Variants in ASIC2 observed in about 807,000 individuals in gnomAD.
ASIC2 encodes the protein acid sensing ion channel subunit 2, also known as acid-sensing ion channel 2.
Under a neutral mutation model 57.3 loss-of-function variants are expected in ASIC2, and 25 were observed. That is an observed-to-expected ratio of 0.44 (90% CI 0.32 to 0.61). The LOEUF is 0.61. Among genes scored for constraint, ASIC2 ranks in the 20% least tolerant of loss-of-function variants. The pLI is 0.06. For synonymous variants in ASIC2, 319 were observed against 307.5 expected, an observed-to-expected ratio of 1.04 and a Z score of -0.39; for missense variants, 641 against 738.1, an observed-to-expected ratio of 0.87 and a Z score of 1.52.
chr17:34,066,237 T>C (rs1350986939), intron 1 of ASIC2, among the ~76,000 whole-genome samples: 1 of 152,194 alleles, frequency 6.6e-6, no homozygotes. Flanking sequence ...GGAGATAACA[T>C]TGTGACCAAC....
chr17:33,037,412 T>TTTTTTG lies in ASIC2; in HGVS notation c.988-9021_988-9020insCAAAAA, dbSNP rs1555564724. ...CTCTTTTTTTTTTTTTTTTTTTTTTTGCAGAGGTCATGATTCAGATACCCC... is the reference window on the plus strand; with the variant it reads ...CTCTTTTTTTTTTTTTTTTTTTTTTTTTTTTGGCAGAGGTCATGATTCAGATACCCC... On this transcript the variant is annotated intron_variant, in intron 3 of 9. Coordinates refer to ENST00000225823, the MANE Select transcript of ASIC2 (RefSeq NM_183377.2). 3.1e-5 allele frequency among the ~76,000 whole-genome samples: 4 copies of TTTTTTG among 128,628 alleles called. 1 individual carries two copies. The highest frequency in any genetic ancestry group is 1.7e-4 in the Admixed American group (2 of 11,686). 84.4% of individuals were successfully genotyped at this position (128,628 alleles called of 152,430 possible).
At chr17:33,621,215 T>G (rs1905782819) in intron 1 of ASIC2, among the ~76,000 whole-genome samples, 1 of 152,192 alleles carries the variant, frequency 6.6e-6, no homozygotes, top group South Asian at 2.1e-4. Context: ...GAGAGTAATA[T>G]AACTATAACG....
At chr17:33,230,073 G>A (rs1908030437) in intron 1 of ASIC2, among the ~76,000 whole-genome samples, 1 of 152,180 alleles carries the variant, frequency 6.6e-6, no homozygotes, top group Admixed American at 6.5e-5. Context: ...TGCATCCCAG[G>A]TGAGACCCCT....
At chr17:34,005,296 T>C (rs1906487685) in intron 1 of ASIC2, 1 of 152,242 alleles carries the variant, frequency 6.6e-6, no homozygotes, top group South Asian at 2.1e-4. Flanking sequence ...ACACTGCCAG[T>C]GGGGCTCACC....
Position 33,963,212 on chromosome 17 carries a change from C to T in ASIC2, c.555+192766G>A, listed in dbSNP as rs985120858. Among the ~76,000 whole-genome samples, 11 of 152,288 alleles carry T rather than the reference C, an allele frequency of 7.2e-5. No homozygotes were observed. The South Asian group carries it at 1.7e-3, about 23-fold the overall frequency. On this transcript the variant is annotated intron_variant, in intron 1 of 9. Coordinates refer to the ASIC2 transcript ENST00000359872. ...GCTCCCAACTACACTTCTACCAACC[C>T]TCTTCCCATCTCGCAGCCTCCCCAT...
intron 1 of ASIC2, among the ~76,000 whole-genome samples, chr17:33,890,741 G>T (rs759569969): frequency 6.6e-6 from 1 of 152,180 alleles, no homozygotes; most frequent in Non-Finnish European, 1.5e-5. Flanking sequence ...TTCTCCAATG[G>T]GAGAAGCTGC....
intron 1 of ASIC2, among the ~76,000 whole-genome samples, chr17:33,528,948 G>A (rs900909343): frequency 6.6e-6 from 1 of 152,182 alleles, no homozygotes; most frequent in Non-Finnish European, 1.5e-5. Context: ...GGAATGGTGA[G>A]GAAAAGAGGA....
chr17:33,231,349 C>T (rs1198526940), intron 1 of ASIC2, among the ~76,000 whole-genome samples: 1 of 152,106 alleles, frequency 6.6e-6, no homozygotes, highest in Non-Finnish European at 1.5e-5. Context: ...ATTGCGGGTA[C>T]CTGGAGTCTG....
intron 1 of ASIC2, among the ~76,000 whole-genome samples, chr17:33,180,728 G>A (rs1002692958): frequency 2.6e-5 from 4 of 152,272 alleles, no homozygotes; most frequent in African/African-American, 7.2e-5. Flanking sequence ...TCTAGAGATC[G>A]TGCTTCCTGA....
chr17:33,906,317 C>T (rs1222373435), intron 1 of ASIC2, among the ~76,000 whole-genome samples: 1 of 152,192 alleles, frequency 6.6e-6, no homozygotes, highest in African/African-American at 2.4e-5. Context: ...TGTCCTTCCC[C>T]TAGGAGTAGG....
rs568273245 is a variant in ASIC2 at position 33,739,810 on chromosome 17, A to C, written c.555+416168T>G. 2.8e-4 allele frequency among the ~76,000 whole-genome samples: 42 copies of C among 151,834 alleles called. No homozygotes were observed. The South Asian group carries it at 5.0e-3, about 18-fold the overall frequency. On this transcript the variant is annotated intron_variant, in intron 1 of 9. Transcript: ENST00000359872. ...AAAAGAAAGAAGAAAGAAAGAAAGAAAGAGAGAAAGAAAGAAAGAAAAAGA... is the reference window on the plus strand; with the variant it reads ...AAAAGAAAGAAGAAAGAAAGAAAGACAGAGAGAAAGAAAGAAAGAAAAAGA...
chr17:34,115,171 C>T (rs887158508), intron 1 of ASIC2, among the ~76,000 whole-genome samples: 4 of 152,176 alleles, frequency 2.6e-5, no homozygotes, highest in Non-Finnish European at 2.9e-5. Context: ...CATTGCACAC[C>T]GACTATCCAA....
intron 1 of ASIC2, among the ~76,000 whole-genome samples, chr17:33,139,179 A>G (rs2142015584): frequency 6.6e-6 from 1 of 152,168 alleles, no homozygotes; most frequent in Non-Finnish European, 1.5e-5. Context: ...GCTGCCAGCA[A>G]TGTCACCTCT....
intron 3 of ASIC2, among the ~76,000 whole-genome samples, chr17:33,086,730 G>A (rs1475423539): frequency 6.6e-6 from 1 of 152,034 alleles, no homozygotes; most frequent in Non-Finnish European, 1.5e-5. Context: ...ACTCGAGGCT[G>A]CCAAGAGAAT....
chr17:33,552,421 C>G (rs371775709), intron 1 of ASIC2, among the ~76,000 whole-genome samples: 41 of 152,134 alleles, frequency 2.7e-4, no homozygotes, highest in African/African-American at 9.7e-4. Flanking sequence ...CCAACTCATG[C>G]TTTTTGCACT....
At chr17:33,582,670 C>T (rs62057831) in intron 1 of ASIC2, among the ~76,000 whole-genome samples, 1 of 151,978 alleles carries the variant, frequency 6.6e-6, no homozygotes, top group Non-Finnish European at 1.5e-5. Context: ...TACATATTTG[C>T]AATTATTTCA....
chr17:33,493,377 G>C (rs116746062), intron 1 of ASIC2, among the ~76,000 whole-genome samples: 2,660 of 152,250 alleles, frequency 0.017, 78 homozygotes, highest in African/African-American at 0.061. Context: ...TCTGGGATAC[G>C]CTTCACCCAG....
rs117838887 is a variant in ASIC2, at chr17:33,632,328, C to T, written c.556-520261G>A. On this transcript the variant is annotated intron_variant, in intron 1 of 9. Coordinates refer to the ASIC2 transcript ENST00000359872. ...ATACATCAAAACAACATAATAATAA[C>T]GCTTAAGATTGTTGTTATTGATAAA... 7.3e-3 allele frequency among the ~76,000 whole-genome samples: 1,104 copies of T among 152,188 alleles called. 5 individuals carry two copies. The highest frequency in any genetic ancestry group is 9.8e-3 in the Non-Finnish European group (665 of 68,002).
chr17:33,030,468 C>T (rs1486286362), intron 3 of ASIC2, among the ~76,000 whole-genome samples: 2 of 152,032 alleles, frequency 1.3e-5, no homozygotes, highest in African/African-American at 4.8e-5. Context: ...TCTTTTATTG[C>T]CGAGTTTTAC....
Sources: gnomAD v4.1 joint callset for allele counts (sites outside exome capture counted in the v4.1 genomes callset) on GRCh38, gnomAD v4.1.1 for gene constraint, MANE v1.5 for transcripts, NCBI Gene and HGNC (gene_info 2026-07-23, HGNC 2026-07-21) for gene names.